Variants in TPCN1 observed in about 807,000 individuals in gnomAD.
The protein encoded by TPCN1 is two pore channel protein 1.
TPCN1 carries 52 observed loss-of-function variants against 108.8 expected under a neutral mutation model. That is an observed-to-expected ratio of 0.48 (90% CI 0.38 to 0.60). The LOEUF is 0.60. Ranked by LOEUF, TPCN1 falls within the 20% of genes least tolerant of loss-of-function variation. The pLI is 0.00. For missense variants in TPCN1, 806 were observed against 1,072.8 expected (o/e 0.75, Z 3.47); for synonymous variants, 446 against 433.7 (o/e 1.03, Z -0.35).
At chr12:113,293,101 G>C (rs1177742601) in intron 26 of TPCN1, 28 bp downstream of exon 26, 4 of 1,604,714 alleles carry the variant, frequency 2.5e-6, no homozygotes, top group Admixed American at 3.4e-5. Flanking sequence ...TGGTCCGAAG[G>C]AGGGAGGCAG....
rs547682404 is a variant in TPCN1 at position 113,296,051 on chromosome 12, G to A, written c.2426G>A (p.Arg809His). The part of the protein sequence containing the change: ...APAAQQPPGS[R>H]QRSQTVT ...GCCGCCCAGCAGCCCCCAGGCAGCCGCCAGCGCTCCCAGACCGTTACCTAG... is the reference window on the plus strand; with the variant it reads ...GCCGCCCAGCAGCCCCCAGGCAGCCACCAGCGCTCCCAGACCGTTACCTAG... Residue 809 changes from arginine (R) to histidine (H), a missense_variant, in exon 28 of 28, where the codon CGC (arginine) becomes CAC (histidine). By Grantham distance (29) the Arg-to-His change is conservative (BLOSUM62 0). Transcript: ENST00000335509. The A allele has an allele frequency of 8.1e-5, 131 of 1,613,252 alleles. 3 individuals carry two copies. The South Asian group carries it at 1.3e-3, about 16-fold the overall frequency.
chr12:113,270,731 C>T (rs1041574316), intron 7 of TPCN1, among the ~76,000 whole-genome samples: 3 of 152,040 alleles, frequency 2.0e-5, no homozygotes, highest in Non-Finnish European at 4.4e-5. Context: ...CACCTGCCTC[C>T]GCCTCCCAAA....
In TPCN1 at chr12:113,296,023, C is replaced by T; in HGVS notation, c.2398C>T (p.Pro800Ser). Residue 800 changes from proline (P) to serine (S), a missense_variant, in exon 28 of 28, where the codon CCC becomes TCC. Pro to Ser is a moderately conservative substitution (Grantham distance 74, BLOSUM62 -1). Transcript: ENST00000335509. ...GCGACAACTCAGCAGCAGTGCAGCC[C>T]CCGCCGCCCAGCAGCCCCCAGGCAG... is the stretch of plus-strand genomic sequence containing the variant. ...QQRQLSSSAAPAAQQPPGSRQ... is the reference protein window; with the variant it reads ...QQRQLSSSAASAAQQPPGSRQ... 1 of 1,613,196 alleles carries T rather than the reference C, an allele frequency of 6.2e-7. No individual in the cohort carries two copies. Among genetic ancestry groups the T allele is most frequent in the Non-Finnish European group, 8.5e-7 (1 of 1,179,866 alleles).
chr12:113,224,687 C>T (rs890040313), intron 1 of TPCN1, among the ~76,000 whole-genome samples: 1 of 151,882 alleles, frequency 6.6e-6, no homozygotes, highest in African/African-American at 2.4e-5. Flanking sequence ...TGAGCCACCG[C>T]GCCTGGCCGC....
intron 2 of TPCN1, chr12:113,249,320 T>C: frequency 6.6e-6 from 1 of 152,232 alleles, no homozygotes; most frequent in Non-Finnish European, 1.5e-5. Flanking sequence ...GTGGCCGGCG[T>C]ACCGCACGGC....
At chr12:113,285,740 C>CA in intron 17 of TPCN1, 149 bp from the exon 18 acceptor site, 1 of 698,152 alleles carries the variant, frequency 1.4e-6, no homozygotes, top group Non-Finnish European at 2.6e-6. Flanking sequence ...CACCTGCTCT[C>CA]ACGCTGGGAC....
At position 113,272,811 on chromosome 12, in the gene TPCN1, A is replaced by G; in HGVS notation, c.783+119A>G. The stretch of plus-strand genomic sequence containing the variant: ...GGGGGGGCCTGCCTGGTTTCTCATC[A>G]TAGCTTGTGTGTGCATTGCACCTGG... On this transcript the variant is annotated intron_variant, in intron 8 of 27. Coordinates refer to ENST00000335509, the MANE Select transcript of TPCN1 (RefSeq NM_017901.6). This position sits in a 1 kb window ranked among gnomAD's most constrained non-coding sequence, Gnocchi z 4.1. 9 of 1,017,486 alleles carry G rather than the reference A, an allele frequency of 8.8e-6. No individual in the cohort carries two copies. In the South Asian group the frequency reaches 1.2e-4, roughly 13 times the overall value. The allele number at this position is 1,017,486 out of a possible 1,614,324, so 63.0% of individuals were successfully genotyped here. A position where few individuals can be genotyped will look rare whatever the true frequency, so the allele number is the denominator to read the frequency against.
intron 2 of TPCN1, among the ~76,000 whole-genome samples, chr12:113,236,261 A>G (rs551689897): frequency 6.6e-5 from 10 of 152,324 alleles, no homozygotes; most frequent in African/African-American, 2.2e-4. Context: ...AAGAGGCTGC[A>G]TAACCAAGCA....
chr12:113,247,485 G>A (rs1220283035), intron 2 of TPCN1, among the ~76,000 whole-genome samples: 1 of 152,258 alleles, frequency 6.6e-6, no homozygotes, highest in Non-Finnish European at 1.5e-5. Context: ...AGCACTCGGA[G>A]TGGGAGCATA....
At chr12:113,254,608 A>G (rs1032040000) in intron 2 of TPCN1, among the ~76,000 whole-genome samples, 1 of 152,238 alleles carries the variant, frequency 6.6e-6, no homozygotes, top group Non-Finnish European at 1.5e-5. Flanking sequence ...GCTTGGGTCC[A>G]GAAGTATTTC....
chr12:113,262,818 T>G (rs1028283615), intron 3 of TPCN1, among the ~76,000 whole-genome samples: 5 of 152,340 alleles, frequency 3.3e-5, no homozygotes, highest in African/African-American at 7.2e-5. Context: ...TTTACAGATG[T>G]GGCAACTGAG....
In TPCN1 at chr12:113,267,860, G is replaced by A; in HGVS notation, c.432G>A (p.Glu144=). ...RLGIYVHATL[E]LFALMVVVFE... is the part of the protein sequence containing the mutation. ...GGTCTCAGGTCCACGCCACCCTGGA[G>A]CTGTTTGCCCTGATGGTGGTAGTGT... The change falls in exon 5 of 28, where the codon GAG becomes GAA. Residue 144 remains glutamate, a synonymous_variant. Coordinates refer to ENST00000335509, the MANE Select transcript of TPCN1 (RefSeq NM_017901.6). 1 of 1,613,980 alleles carries A rather than the reference G, an allele frequency of 6.2e-7. No homozygotes were observed. The highest frequency in any genetic ancestry group is 2.2e-5 in the East Asian group (1 of 44,878).
Position 113,273,230 on chromosome 12 carries a change from A to C in TPCN1, c.784-2A>C. The stretch of plus-strand genomic sequence containing the variant: ...ACTTCTCTGCCCTCTCTTCCCTTGC[A>C]GTACTTCAGCACCCTGGAGAACAGC... On this transcript the variant is annotated splice_acceptor_variant, in intron 8 of 27. Coordinates refer to ENST00000335509, the MANE Select transcript of TPCN1 (RefSeq NM_017901.6). LOFTEE classifies it high-confidence loss of function. The surrounding 1 kb of genome is among the most constrained non-coding windows in gnomAD (Gnocchi z 4.0). The C allele has an allele frequency of 6.2e-7, 1 of 1,614,164 alleles. No homozygotes were observed. The highest frequency in any genetic ancestry group is 8.5e-7 in the Non-Finnish European group (1 of 1,180,004).
chr12:113,291,813 C>T, intron 24 of TPCN1, 61 bp from the exon 25 acceptor site: 3 of 1,566,202 alleles, frequency 1.9e-6, no homozygotes, highest in Non-Finnish European at 1.8e-6. Flanking sequence ...GGCTGCGCAG[C>T]CACGGACACC....
Position 113,278,199 on chromosome 12 carries a change from T to G in TPCN1, c.1195T>G (p.Phe399Val). The change falls in exon 13 of 28, where the codon TTT becomes GTT. Residue 399 changes from phenylalanine to valine, a missense_variant. Transcript: ENST00000335509. ...NNTPLLSLKD[F>V]YDIYEVAALK... ...TTTTGCTTTTGGTAGCCTAAAGGAC[T>G]TTTACGATATCTACGAAGTTGCTGC... 1 of 1,613,832 alleles carries G rather than the reference T, an allele frequency of 6.2e-7. No homozygotes were observed. Among genetic ancestry groups the G allele is most frequent in the South Asian group, 1.1e-5 (1 of 91,066 alleles).
chr12:113,226,081 T>A (rs1007440967), intron 1 of TPCN1, among the ~76,000 whole-genome samples: 3 of 143,248 alleles, frequency 2.1e-5, no homozygotes, highest in African/African-American at 7.6e-5. Context: ...CCCAACCAGC[T>A]TTTTTTTTTT....
chr12:113,291,777 C>T lies in TPCN1; in HGVS notation c.2029-97C>T, dbSNP rs111953995. ...AGCGTCAGGGAGTGGGGCTGGGTCC[C>T]ATCTGGCCGGACTCTGTTGGGCGTG... is the stretch of plus-strand genomic sequence containing the variant. On this transcript the variant is annotated intron_variant, in intron 24 of 27. Transcript: ENST00000335509. 130 of 1,568,632 alleles carry T rather than the reference C, an allele frequency of 8.3e-5. No individual in the cohort carries two copies. In the African/African-American group the frequency reaches 1.4e-3, roughly 17 times the overall value.
chr12:113,235,241 G>A (rs557737044), intron 2 of TPCN1, among the ~76,000 whole-genome samples: 1 of 152,340 alleles, frequency 6.6e-6, no homozygotes, highest in Admixed American at 6.5e-5. Flanking sequence ...TTTGAAGCCA[G>A]AGCAGGTGGG....
In TPCN1 at chr12:113,226,831, G is replaced by C; in HGVS notation, c.-22G>C. The C allele has an allele frequency of 3.7e-6, 6 of 1,614,156 alleles. No individual in the cohort carries two copies. Among genetic ancestry groups the C allele is most frequent in the Non-Finnish European group, 5.1e-6 (6 of 1,180,020 alleles). The stretch of plus-strand genomic sequence containing the variant: ...TTTCAAGCCCTGGATATCATATCCT[G>C]AGGGCCACAGGAGAAGAGAACATGG... On this transcript the variant is annotated 5_prime_UTR_variant, in exon 2 of 28. It removes the in-frame stop codon of an upstream open reading frame in the 5' UTR. Transcript: ENST00000335509.
Sources: allele counts gnomAD v4.1 joint callset (sites outside exome capture counted in the v4.1 genomes callset), GRCh38; gene constraint gnomAD v4.1.1; non-coding constraint Gnocchi (gnomAD v3.1); transcripts MANE v1.5; gene names NCBI Gene and HGNC (gene_info 2026-07-23, HGNC 2026-07-21).